ATRNL1: variants seen among roughly 807,000 people sequenced by gnomAD.
The protein encoded by ATRNL1 is attractin-like protein 1.
ATRNL1 carries 95 observed loss-of-function variants against 182.7 expected under a neutral mutation model. The observed-to-expected ratio is 0.52, with a 90% CI of 0.44 to 0.62. The LOEUF (loss-of-function observed/expected upper bound fraction) is 0.62. Ranked by LOEUF, ATRNL1 falls within the 20% of genes least tolerant of loss-of-function variation. The probability of loss-of-function intolerance (pLI) is 0.00; values close to 1 mark genes in which losing one functional copy is unlikely to be tolerated. For synonymous variants in ATRNL1, 576 were observed against 568.3 expected, an observed-to-expected ratio of 1.01 and a Z score of -0.19; for missense variants, 1,471 against 1,679.5, an observed-to-expected ratio of 0.88 and a Z score of 2.17.
At chr10:115,505,080 G>A (rs1395626724) in intron 24 of ATRNL1, among the ~76,000 whole-genome samples, 2 of 152,094 alleles carry the variant, frequency 1.3e-5, no homozygotes, top group East Asian at 1.9e-4. Flanking sequence ...GAGACAAAAA[G>A]TCTGGTGGTG....
chr10:115,923,851 C>G (rs1953140484), intron 28 of ATRNL1, among the ~76,000 whole-genome samples: 1 of 152,192 alleles, frequency 6.6e-6, no homozygotes, highest in Non-Finnish European at 1.5e-5. Context: ...AATGGTTGAA[C>G]TAATGTACAT....
At position 115,129,391 on chromosome 10, in the gene ATRNL1, A is replaced by G; in HGVS notation, c.685A>G (p.Ser229Gly). The change falls in exon 5 of 29, where the codon AGT (serine) becomes GGT (glycine). Residue 229 changes from serine to glycine, a missense_variant. Coordinates refer to ENST00000355044, the MANE Select transcript of ATRNL1 (RefSeq NM_207303.4). Reference sequence around the variant, plus strand: ...GTGTACAACTAGTGTCTCTGTTCCAAGTCAAGTATATTGTGAATGTGATAA... The same window carrying G: ...GTGTACAACTAGTGTCTCTGTTCCAGGTCAAGTATATTGTGAATGTGATAA... ...GKCTTSVSVP[S>G]QVYCECDKYW... is the part of the protein sequence containing the mutation. 1 of 1,613,910 alleles carries G rather than the reference A, an allele frequency of 6.2e-7. No individual in the cohort carries two copies. The highest frequency in any genetic ancestry group is 8.5e-7 in the Non-Finnish European group (1 of 1,179,804).
At chr10:115,434,160 G>A (rs1405988524) in intron 21 of ATRNL1, among the ~76,000 whole-genome samples, 1 of 148,916 alleles carries the variant, frequency 6.7e-6, no homozygotes, top group Non-Finnish European at 1.5e-5. Flanking sequence ...TGTCATAGAG[G>A]TCATAACATG....
At chr10:115,499,180 G>C (rs1849693388) in intron 24 of ATRNL1, among the ~76,000 whole-genome samples, 1 of 151,846 alleles carries the variant, frequency 6.6e-6, no homozygotes, top group African/African-American at 2.4e-5. Context: ...GTTCCGTTTT[G>C]TTTTCTAACA....
intron 10 of ATRNL1, among the ~76,000 whole-genome samples, chr10:115,252,835 C>T (rs935446071): frequency 3.3e-5 from 5 of 152,182 alleles, no homozygotes; most frequent in African/African-American, 1.2e-4. Context: ...TACCCTTCCT[C>T]ATGTTTTTCA....
chr10:115,186,411 C>CA (rs1847943379), intron 8 of ATRNL1, among the ~76,000 whole-genome samples: 1 of 152,068 alleles, frequency 6.6e-6, no homozygotes, highest in African/African-American at 2.4e-5. Flanking sequence ...TCTACACTCC[C>CA]ATGTTTGTTG....
At chr10:115,905,624 A>T (rs1555114388) in intron 28 of ATRNL1, among the ~76,000 whole-genome samples, 1 of 152,190 alleles carries the variant, frequency 6.6e-6, no homozygotes, top group African/African-American at 2.4e-5. Flanking sequence ...ATCTTTCCAT[A>T]AGAGGTTAAC....
chr10:115,732,037 T>C (rs1163469789), intron 27 of ATRNL1, among the ~76,000 whole-genome samples: 1 of 152,336 alleles, frequency 6.6e-6, no homozygotes. Context: ...ATTGTATGGA[T>C]GTGGCACAGT....
At chr10:115,778,783 G>A (rs1162429672) in intron 27 of ATRNL1, among the ~76,000 whole-genome samples, 2 of 152,150 alleles carry the variant, frequency 1.3e-5, no homozygotes, top group African/African-American at 4.8e-5. Context: ...TGTTAGTCTG[G>A]TAGCTTGTGT....
At chr10:115,450,371 A>G (rs1276560388) in intron 21 of ATRNL1, among the ~76,000 whole-genome samples, 1 of 152,190 alleles carries the variant, frequency 6.6e-6, no homozygotes, top group Non-Finnish European at 1.5e-5. Context: ...ATGATCCTAT[A>G]TGTAGAAAAT....
intron 26 of ATRNL1, among the ~76,000 whole-genome samples, chr10:115,553,422 T>A (rs1271880782): frequency 3.3e-5 from 5 of 151,392 alleles, no homozygotes; most frequent in African/African-American, 1.2e-4. Flanking sequence ...ACAGTTTTTT[T>A]AAGTTTAAAA....
At chr10:115,496,563 T>A (rs782403868) in intron 24 of ATRNL1, among the ~76,000 whole-genome samples, 4 of 152,230 alleles carry the variant, frequency 2.6e-5, no homozygotes, top group African/African-American at 7.2e-5. Context: ...CTCCATCCTT[T>A]TACTTTGAGC....
rs530243727 is a variant in ATRNL1, at chr10:115,300,249, T to C, written c.2629+2T>C. On this transcript the variant is annotated splice_donor_variant, in intron 16 of 28. Transcript: ENST00000355044. LOFTEE classifies it high-confidence loss of function. Reference sequence around the variant, plus strand: ...GCCTTGTCTGTGAAAAACCTGTTGGTAAGTAGTCCAGTAAATTAGCATTCC... The same window carrying C: ...GCCTTGTCTGTGAAAAACCTGTTGGCAAGTAGTCCAGTAAATTAGCATTCC... The C allele has an allele frequency of 6.2e-7, 1 of 1,610,590 alleles. No homozygotes were observed. The highest frequency in any genetic ancestry group is 1.1e-5 in the South Asian group (1 of 90,924).
At chr10:115,268,658 A>C (rs1421738355) in intron 13 of ATRNL1, among the ~76,000 whole-genome samples, 2 of 152,226 alleles carry the variant, frequency 1.3e-5, no homozygotes, top group African/African-American at 2.4e-5. Context: ...GGATCCATCA[A>C]CTTTACTTCT....
intron 26 of ATRNL1, among the ~76,000 whole-genome samples, chr10:115,719,157 C>A (rs115669330): frequency 6.4e-4 from 98 of 152,228 alleles, no homozygotes; most frequent in African/African-American, 2.4e-3. Flanking sequence ...TCAGGATCAT[C>A]CTTTGGAATT....
rs1435423865 is a variant in ATRNL1 at position 115,212,675 on chromosome 10, G to GA, written c.1349-3019dup. Among the ~76,000 whole-genome samples, 6 of 152,066 alleles carry GA rather than the reference G, an allele frequency of 3.9e-5. 1 individual carries two copies. The highest frequency in any genetic ancestry group is 8.8e-5 in the Non-Finnish European group (6 of 68,000). ...TGGAATATTATGCAGCCACGAAAAA[G>GA]AAAGAGATAATGTCTTTTGCAGGGA... On this transcript the variant is annotated intron_variant, in intron 8 of 28. Coordinates refer to ENST00000355044, the MANE Select transcript of ATRNL1 (RefSeq NM_207303.4).
intron 26 of ATRNL1, among the ~76,000 whole-genome samples, chr10:115,602,917 A>G (rs536417153): frequency 6.6e-6 from 1 of 152,196 alleles, no homozygotes; most frequent in Admixed American, 6.5e-5. Context: ...TGCTAGAATG[A>G]CTCACATAAC....
intron 19 of ATRNL1, among the ~76,000 whole-genome samples, chr10:115,338,481 T>G (rs1270167819): frequency 2.0e-5 from 3 of 151,672 alleles, no homozygotes; most frequent in Non-Finnish European, 4.4e-5. Context: ...TGATCCATGA[T>G]TTTGAGCACC....
chr10:115,459,853 C>G (rs1475222399), intron 21 of ATRNL1, among the ~76,000 whole-genome samples: 1 of 151,914 alleles, frequency 6.6e-6, no homozygotes, highest in African/African-American at 2.4e-5. Flanking sequence ...CCCCAGACAC[C>G]CAGCTTTAAA....
Sources: allele counts gnomAD v4.1 joint callset (sites outside exome capture counted in the v4.1 genomes callset), GRCh38; gene constraint gnomAD v4.1.1; transcripts MANE v1.5; gene names NCBI Gene and HGNC (gene_info 2026-07-23, HGNC 2026-07-21).